MCHR1: variants seen among roughly 807,000 people sequenced by gnomAD.
MCHR1 encodes the protein melanin-concentrating hormone receptor 1.
A neutral mutation model predicts 20.4 loss-of-function variants in MCHR1; 13 were observed. The observed-to-expected ratio is 0.64, with a 90% CI of 0.41 to 1.01. The LOEUF is 1.01. MCHR1 is among the 50% of genes least tolerant of loss of function. The pLI is 0.00. For missense variants in MCHR1, 472 were observed against 477.0 expected (o/e 0.99, Z 0.10); for synonymous variants, 215 against 204.4 (o/e 1.05, Z -0.44).
In MCHR1 at chr22:40,682,132, A is replaced by C. The variant is rs200638872; in HGVS notation, c.*204A>C. ...CAGGTTTGGGGTTTTCAGATATCAG[A>C]AATCCCCTTGGGGGAGCAGGATGAG... On this transcript the variant is annotated 3_prime_UTR_variant, in exon 2 of 2. Coordinates refer to ENST00000249016, the MANE Select transcript of MCHR1 (RefSeq NM_005297.4). The C allele has an allele frequency of 3.1e-6, 2 of 644,480 alleles. No homozygotes were observed. Among genetic ancestry groups the C allele is most frequent in the South Asian group, 1.8e-5 (1 of 54,886 alleles). 39.9% of individuals were successfully genotyped at this position (644,480 alleles called of 1,614,324 possible). A position where few individuals can be genotyped will look rare whatever the true frequency, so the allele number is the denominator to read the frequency against.
In MCHR1 at chr22:40,679,557, C is replaced by G. The variant is rs762224378; in HGVS notation, c.-96C>G. The G allele has an allele frequency of 6.2e-7, 1 of 1,613,786 alleles. No homozygotes were observed. Among genetic ancestry groups the G allele is most frequent in the Non-Finnish European group, 8.5e-7 (1 of 1,179,846 alleles). ...CCTTCCCAACTGCGGGGCTTGCGCT[C>G]CGGGACAAGGTGGCAGGCGCTGGAG... On this transcript the variant is annotated 5_prime_UTR_variant, in exon 1 of 2. Coordinates refer to ENST00000249016, the MANE Select transcript of MCHR1 (RefSeq NM_005297.4).
intron 1 of MCHR1, 181 bp from the exon 2 acceptor site, chr22:40,680,768 C>T (rs1422715582): frequency 2.0e-6 from 2 of 985,038 alleles, no homozygotes; most frequent in African/African-American, 3.5e-5. Context: ...TGGTAGGATT[C>T]ACCAGGAAAC....
rs201924679 is a variant in MCHR1, at chr22:40,681,589, C to T, written c.723C>T (p.Pro241=). 16 of 1,613,796 alleles carry T rather than the reference C, an allele frequency of 9.9e-6. No homozygotes were observed. Among genetic ancestry groups the T allele is most frequent in the South Asian group, 5.5e-5 (5 of 91,092 alleles). Residue 241 remains proline, a synonymous_variant, in exon 2 of 2, where the codon CCC becomes CCT. Coordinates refer to ENST00000249016, the MANE Select transcript of MCHR1 (RefSeq NM_005297.4). The surrounding 1 kb of genome is among the most constrained non-coding windows in gnomAD (Gnocchi z 4.3). The part of the protein sequence containing the change: ...ILQRMTSSVA[P]ASQRSIRLRT... ...AGCGCATGACGTCCTCAGTGGCCCCCGCCTCCCAGCGCAGCATCCGGCTGC... is the reference window on the plus strand; with the variant it reads ...AGCGCATGACGTCCTCAGTGGCCCCTGCCTCCCAGCGCAGCATCCGGCTGC...
Position 40,681,531 on chromosome 22 carries a change from T to A in MCHR1, c.665T>A (p.Val222Glu), listed in dbSNP as rs1278388384. The A allele has an allele frequency of 1.9e-6, 3 of 1,612,700 alleles. No homozygotes were observed. The highest frequency in any genetic ancestry group is 2.5e-6 in the Non-Finnish European group (3 of 1,180,040). Reference protein sequence around the residue: ...QFFLAFALPFVVITAAYVRIL... With the variant: ...QFFLAFALPFEVITAAYVRIL... The stretch of plus-strand genomic sequence containing the variant: ...TTCCTGGCCTTTGCCCTGCCTTTTG[T>A]GGTCATCACAGCCGCATACGTGAGG... The change falls in exon 2 of 2, where the codon GTG (valine) becomes GAG (glutamate). Residue 222 changes from valine to glutamate, a missense_variant. Physicochemically the swap from Val to Glu is moderately radical, Grantham distance 121. Coordinates refer to ENST00000249016, the MANE Select transcript of MCHR1 (RefSeq NM_005297.4). This position sits in a 1 kb window ranked among gnomAD's most constrained non-coding sequence, Gnocchi z 4.3.
Position 40,681,826 on chromosome 22 carries a change from A to G in MCHR1, c.960A>G (p.Lys320=), listed in dbSNP as rs767962117. 3 of 1,614,000 alleles carry G rather than the reference A, an allele frequency of 1.9e-6. No individual in the cohort carries two copies. In the Admixed American group the frequency reaches 5.0e-5, roughly 27 times the overall value. ...VYIVLCETFR[K]RLVLSVKPAA... Reference sequence around the variant, plus strand: ...TCGTGCTCTGTGAGACGTTCCGCAAACGCTTGGTCCTGTCGGTGAAGCCTG... The same window carrying G: ...TCGTGCTCTGTGAGACGTTCCGCAAGCGCTTGGTCCTGTCGGTGAAGCCTG... Residue 320 remains lysine, a synonymous_variant, in exon 2 of 2, where the codon AAA becomes AAG. Coordinates refer to ENST00000249016, the MANE Select transcript of MCHR1 (RefSeq NM_005297.4). This position sits in a 1 kb window ranked among gnomAD's most constrained non-coding sequence, Gnocchi z 4.3.
chr22:40,679,499 C>A lies in MCHR1; in HGVS notation c.-154C>A, dbSNP rs142803948. ...TGGGGAGGGCAGTTGGGCTTGGAGG[C>A]GGCAGCGGCTGCCAGGCTACGGAGG... On this transcript the variant is annotated 5_prime_UTR_variant, in exon 1 of 2. Coordinates refer to ENST00000249016, the MANE Select transcript of MCHR1 (RefSeq NM_005297.4). 1 of 1,613,930 alleles carries A rather than the reference C, an allele frequency of 6.2e-7. No homozygotes were observed. Among genetic ancestry groups the A allele is most frequent in the Non-Finnish European group, 8.5e-7 (1 of 1,179,970 alleles).
Position 40,681,644 on chromosome 22 carries a change from G to A in MCHR1, c.778G>A (p.Ala260Thr), listed in dbSNP as rs199641758. The stretch of plus-strand genomic sequence containing the variant: ...AAAGAGGGTGACCCGCACAGCCATC[G>A]CCATCTGTCTGGTCTTCTTTGTGTG... ...RTKRVTRTAI[A>T]ICLVFFVCWA... The change falls in exon 2 of 2, where the codon GCC (alanine) becomes ACC (threonine). Residue 260 changes from alanine (A) to threonine (T), a missense_variant. Coordinates refer to ENST00000249016, the MANE Select transcript of MCHR1 (RefSeq NM_005297.4). The surrounding 1 kb of genome is among the most constrained non-coding windows in gnomAD (Gnocchi z 4.3). 52 of 1,614,108 alleles carry A rather than the reference G, an allele frequency of 3.2e-5. No homozygotes were observed. Among genetic ancestry groups the A allele is most frequent in the East Asian group, 4.5e-5 (2 of 44,896 alleles).
chr22:40,681,524 C>A lies in MCHR1; in HGVS notation c.658C>A (p.Pro220Thr), dbSNP rs994447443. Residue 220 changes from proline to threonine, a missense_variant, in exon 2 of 2, where the codon CCT (proline) becomes ACT (threonine). Pro to Thr is a conservative substitution (Grantham distance 38). Transcript: ENST00000249016. This position sits in a 1 kb window ranked among gnomAD's most constrained non-coding sequence, Gnocchi z 4.3. Reference protein sequence around the residue: ...LYQFFLAFALPFVVITAAYVR... With the variant: ...LYQFFLAFALTFVVITAAYVR... ...CCAGTTTTTCCTGGCCTTTGCCCTGCCTTTTGTGGTCATCACAGCCGCATA... is the reference window on the plus strand; with the variant it reads ...CCAGTTTTTCCTGGCCTTTGCCCTGACTTTTGTGGTCATCACAGCCGCATA... The A allele has an allele frequency of 1.2e-6, 2 of 1,612,424 alleles. No homozygotes were observed. The highest frequency in any genetic ancestry group is 1.7e-6 in the Non-Finnish European group (2 of 1,180,048).
In MCHR1 at chr22:40,681,166, C is replaced by G; in HGVS notation, c.300C>G (p.Ile100Met). The G allele has an allele frequency of 6.2e-7, 1 of 1,614,168 alleles. No individual in the cohort carries two copies. Among genetic ancestry groups the G allele is most frequent in the Non-Finnish European group, 8.5e-7 (1 of 1,180,024 alleles). The change falls in exon 2 of 2, where the codon ATC (isoleucine) becomes ATG (methionine). Residue 100 changes from isoleucine (I) to methionine (M), a missense_variant. Transcript: ENST00000249016. The surrounding 1 kb of genome is among the most constrained non-coding windows in gnomAD (Gnocchi z 4.3). ...TTCTCCTGGGCATGCCCTTCATGAT[C>G]CACCAGCTCATGGGCAATGGGGTGT... ...LLFLLGMPFM[I>M]HQLMGNGVWH...
Position 40,682,246 on chromosome 22 carries a change from T to A in MCHR1, c.*318T>A. The A allele has an allele frequency of 2.5e-6, 1 of 400,818 alleles. No individual in the cohort carries two copies. Among genetic ancestry groups the A allele is most frequent in the South Asian group, 2.3e-5 (1 of 44,128 alleles). The allele number at this position is 400,818 out of a possible 1,614,324, so 24.8% of individuals were successfully genotyped here. A position where few individuals can be genotyped will look rare whatever the true frequency, so the allele number is the denominator to read the frequency against. On this transcript the variant is annotated 3_prime_UTR_variant, in exon 2 of 2. Coordinates refer to ENST00000249016, the MANE Select transcript of MCHR1 (RefSeq NM_005297.4). ...ATCTGTGAGCTCTCAAATGTCTTCT[T>A]CCCAAGGCAAGAGGTGGAAGGGTAC... is the stretch of plus-strand genomic sequence containing the variant.
In MCHR1 at chr22:40,681,526, T is replaced by C. The variant is rs2147491113; in HGVS notation, c.660T>C (p.Pro220=). Residue 220 remains proline (P), a synonymous_variant, in exon 2 of 2, where the codon CCT becomes CCC. Transcript: ENST00000249016. This position sits in a 1 kb window ranked among gnomAD's most constrained non-coding sequence, Gnocchi z 4.3. ...LYQFFLAFAL[P]FVVITAAYVR... is the part of the protein sequence containing the mutation. ...AGTTTTTCCTGGCCTTTGCCCTGCC[T>C]TTTGTGGTCATCACAGCCGCATACG... 1 of 1,612,550 alleles carries C rather than the reference T, an allele frequency of 6.2e-7. No homozygotes were observed. Among genetic ancestry groups the C allele is most frequent in the South Asian group, 1.1e-5 (1 of 91,084 alleles).
In MCHR1 at chr22:40,682,720, G is replaced by A. The variant is rs1021262289; in HGVS notation, c.*792G>A. ...AGTGTCCGTGTGTTCTGCATGTGCA[G>A]GGGTCATTCTAGTGCCCGGTGTGTT... On this transcript the variant is annotated 3_prime_UTR_variant, in exon 2 of 2. Coordinates refer to ENST00000249016, the MANE Select transcript of MCHR1 (RefSeq NM_005297.4). 6.6e-6 allele frequency: 1 copy of A among 152,442 alleles called. No individual in the cohort carries two copies. The highest frequency in any genetic ancestry group is 2.4e-5 in the African/African-American group (1 of 41,392). The allele number at this position is 152,442 out of a possible 1,614,324, so 9.4% of individuals were successfully genotyped here.
chr22:40,682,011 CGCTCG>C lies in MCHR1; in HGVS notation c.*85_*89del. ...AGAGATGCTGAGAAAAACCCAAGAC[CGCTCG>C]GGAAATGCAGGAAGGCCGGGTTGTG... On this transcript the variant is annotated 3_prime_UTR_variant, in exon 2 of 2. Transcript: ENST00000249016. 2 of 1,561,604 alleles carry C rather than the reference CGCTCG, an allele frequency of 1.3e-6. No individual in the cohort carries two copies. Among genetic ancestry groups the C allele is most frequent in the Non-Finnish European group, 1.7e-6 (2 of 1,151,878 alleles).
chr22:40,682,277 G>A lies in MCHR1; in HGVS notation c.*349G>A, dbSNP rs920423862. 5.8e-6 allele frequency: 2 copies of A among 346,710 alleles called. No homozygotes were observed. Among genetic ancestry groups the A allele is most frequent in the African/African-American group, 2.1e-5 (1 of 47,434 alleles). 21.5% of individuals were successfully genotyped at this position (346,710 alleles called of 1,614,324 possible). A position where few individuals can be genotyped will look rare whatever the true frequency, so the allele number is the denominator to read the frequency against. On this transcript the variant is annotated 3_prime_UTR_variant, in exon 2 of 2. Coordinates refer to ENST00000249016, the MANE Select transcript of MCHR1 (RefSeq NM_005297.4). ...GGCAAGAGGTGGAAGGGTACTGACT[G>A]GGTTTGTTTAAAGTCAGGCAGGGCT...
At position 40,679,568 on chromosome 22, in the gene MCHR1, T is replaced by C. The variant is rs2056868348; in HGVS notation, c.-85T>C. 1.9e-6 allele frequency: 3 copies of C among 1,613,636 alleles called. No homozygotes were observed. Among genetic ancestry groups the C allele is most frequent in the Middle Eastern group, 1.7e-4 (1 of 6,058 alleles). The stretch of plus-strand genomic sequence containing the variant: ...GCGGGGCTTGCGCTCCGGGACAAGG[T>C]GGCAGGCGCTGGAGGCTGCCGCAGC... On this transcript the variant is annotated 5_prime_UTR_variant, in exon 1 of 2. Coordinates refer to ENST00000249016, the MANE Select transcript of MCHR1 (RefSeq NM_005297.4).
Position 40,682,364 on chromosome 22 carries a change from C to G in MCHR1, c.*436C>G, listed in dbSNP as rs2147492365. Reference sequence around the variant, plus strand: ...AGAGACGGGAAAGGGCCCGATCGCTCTTTCCCGCCTCTCACTGGTGCGATG... The same window carrying G: ...AGAGACGGGAAAGGGCCCGATCGCTGTTTCCCGCCTCTCACTGGTGCGATG... On this transcript the variant is annotated 3_prime_UTR_variant, in exon 2 of 2. Coordinates refer to ENST00000249016, the MANE Select transcript of MCHR1 (RefSeq NM_005297.4). 1 of 192,556 alleles carries G rather than the reference C, an allele frequency of 5.2e-6. No individual in the cohort carries two copies. Among genetic ancestry groups the G allele is most frequent in the Non-Finnish European group, 1.1e-5 (1 of 90,910 alleles). The allele number at this position is 192,556 out of a possible 1,614,324, so 11.9% of individuals were successfully genotyped here.
At position 40,681,557 on chromosome 22, in the gene MCHR1, A is replaced by T; in HGVS notation, c.691A>T (p.Ile231Phe). Residue 231 changes from isoleucine (I) to phenylalanine (F), a missense_variant, in exon 2 of 2, where the codon ATC becomes TTC. Transcript: ENST00000249016. The surrounding 1 kb of genome is among the most constrained non-coding windows in gnomAD (Gnocchi z 4.3). ...FVVITAAYVR[I>F]LQRMTSSVAP... ...GGTCATCACAGCCGCATACGTGAGG[A>T]TCCTGCAGCGCATGACGTCCTCAGT... is the stretch of plus-strand genomic sequence containing the variant. The T allele has an allele frequency of 6.2e-7, 1 of 1,613,360 alleles. No homozygotes were observed. The highest frequency in any genetic ancestry group is 8.5e-7 in the Non-Finnish European group (1 of 1,180,034).
At position 40,681,530 on chromosome 22, in the gene MCHR1, G is replaced by A. The variant is rs1403919998; in HGVS notation, c.664G>A (p.Val222Met). 1.2e-6 allele frequency: 2 copies of A among 1,612,590 alleles called. No homozygotes were observed. Among genetic ancestry groups the A allele is most frequent in the South Asian group, 1.1e-5 (1 of 91,082 alleles). The stretch of plus-strand genomic sequence containing the variant: ...TTTCCTGGCCTTTGCCCTGCCTTTT[G>A]TGGTCATCACAGCCGCATACGTGAG... ...QFFLAFALPFVVITAAYVRIL... is the reference protein window; with the variant it reads ...QFFLAFALPFMVITAAYVRIL... The change falls in exon 2 of 2, where the codon GTG becomes ATG. Residue 222 changes from valine (V) to methionine (M), a missense_variant. Coordinates refer to ENST00000249016, the MANE Select transcript of MCHR1 (RefSeq NM_005297.4). This position sits in a 1 kb window ranked among gnomAD's most constrained non-coding sequence, Gnocchi z 4.3.
rs2056867943 is a variant in MCHR1, at chr22:40,679,536, C to T, written c.-117C>T. 1.2e-6 allele frequency: 2 copies of T among 1,613,858 alleles called. No homozygotes were observed. Among genetic ancestry groups the T allele is most frequent in the Non-Finnish European group, 8.5e-7 (1 of 1,179,918 alleles). On this transcript the variant is annotated 5_prime_UTR_variant, in exon 1 of 2. Coordinates refer to ENST00000249016, the MANE Select transcript of MCHR1 (RefSeq NM_005297.4). ...CCAGGCTACGGAGGAAGACCCCCTT[C>T]CCAACTGCGGGGCTTGCGCTCCGGG...
Sources: allele counts gnomAD v4.1 joint callset, GRCh38; gene constraint gnomAD v4.1.1; non-coding constraint Gnocchi (gnomAD v3.1); transcripts MANE v1.5; gene names NCBI Gene and HGNC (gene_info 2026-07-23, HGNC 2026-07-21).